The following CDH13 variants were observed in gnomAD, a reference collection of about 807,000 sequenced individuals.
CDH13 encodes cadherin 13.
Under a neutral mutation model 63.8 loss-of-function variants are expected in CDH13, and 24 were observed. The observed-to-expected ratio is 0.38, with a 90% CI of 0.27 to 0.53. The LOEUF (loss-of-function observed/expected upper bound fraction) is 0.53. CDH13 is among the 20% of genes least tolerant of loss of function. CDH13 has a pLI of 0.85. For missense variants in CDH13, 1,049 were observed against 903.1 expected, an observed-to-expected ratio of 1.16 and a Z score of -2.07; for synonymous variants, 503 against 355.3, an observed-to-expected ratio of 1.42 and a Z score of -4.67.
chr16:82,891,839 A>G (rs2041092494), intron 2 of CDH13, among the ~76,000 whole-genome samples: 1 of 152,222 alleles, frequency 6.6e-6, no homozygotes, highest in Admixed American at 6.5e-5. Context: ...GACAGTGTGG[A>G]CATTCATATA....
chr16:83,180,016 T>C (rs938857775), intron 4 of CDH13, among the ~76,000 whole-genome samples: 7 of 152,174 alleles, frequency 4.6e-5, no homozygotes, highest in African/African-American at 1.4e-4. Flanking sequence ...GTTTGTAGCT[T>C]TTAGAGTAGA....
chr16:83,344,887 A>T lies in CDH13; in HGVS notation c.662A>T (p.Asn221Ile), dbSNP rs374048975. The T allele has an allele frequency of 2.1e-5, 34 of 1,613,972 alleles. No homozygotes were observed. The highest frequency in any genetic ancestry group is 2.4e-5 in the Non-Finnish European group (28 of 1,179,826). Residue 221 changes from asparagine to isoleucine, a missense_variant, in exon 6 of 14, where the codon AAT becomes ATT. Physicochemically the swap from Asn to Ile is moderately radical, Grantham distance 149 (BLOSUM62 -3). Transcript: ENST00000567109. ...YQLFVETTDV[N>I]GKTLEGPVPL... is the part of the protein sequence containing the mutation. The stretch of plus-strand genomic sequence containing the variant: ...CTATTTGTGGAGACCACTGATGTCA[A>T]TGGCAAAACTCTCGAGGGGCCGGTG...
intron 3 of CDH13, among the ~76,000 whole-genome samples, chr16:83,036,847 CACACCCAT>C (rs755134276): frequency 1.3e-5 from 2 of 152,172 alleles, no homozygotes; most frequent in South Asian, 4.1e-4. Flanking sequence ...GATTAGCCTG[CACACCCAT>C]ACACCCCACA....
At chr16:83,238,294 G>A in intron 5 of CDH13, among the ~76,000 whole-genome samples, 1 of 152,138 alleles carries the variant, frequency 6.6e-6, no homozygotes, top group South Asian at 2.1e-4. Context: ...CATGGTGGAA[G>A]GAAGGAACAA....
At chr16:83,502,261 G>T (rs1177934184) in intron 7 of CDH13, among the ~76,000 whole-genome samples, 1 of 152,178 alleles carries the variant, frequency 6.6e-6, no homozygotes, top group Non-Finnish European at 1.5e-5. Context: ...TAATCACAGG[G>T]TCTTAATAAG....
At chr16:83,347,154 G>T (rs1232498150) in intron 6 of CDH13, among the ~76,000 whole-genome samples, 1 of 152,144 alleles carries the variant, frequency 6.6e-6, no homozygotes, top group African/African-American at 2.4e-5. Context: ...AGGCCAGTGG[G>T]AATCTGATGA....
chr16:83,765,002 C>G (rs1200010173), intron 11 of CDH13, among the ~76,000 whole-genome samples: 1 of 152,214 alleles, frequency 6.6e-6, no homozygotes, highest in Non-Finnish European at 1.5e-5. Flanking sequence ...AAGGTATTCT[C>G]ATTTCTAGCA....
intron 2 of CDH13, among the ~76,000 whole-genome samples, chr16:82,958,116 C>G (rs914891816): frequency 1.9e-4 from 29 of 152,170 alleles, no homozygotes; most frequent in African/African-American, 6.3e-4. Flanking sequence ...TGTGCCATAC[C>G]TAACCTAAAA....
rs79962898 is a variant in CDH13 at position 83,049,779 on chromosome 16, G to A, written c.366+17561G>A. Among the ~76,000 whole-genome samples the A allele has an allele frequency of 6.2e-3, 944 of 152,156 alleles. 9 individuals carry two copies. The highest frequency in any genetic ancestry group is 0.021 in the African/African-American group (888 of 41,498). The stretch of plus-strand genomic sequence containing the variant: ...TGTTGATGGCCATTTGGGCTTTTTT[G>A]ACTGTTATGAACAACACTGCTACCA... On this transcript the variant is annotated intron_variant, in intron 3 of 13. Coordinates refer to ENST00000567109, the MANE Select transcript of CDH13 (RefSeq NM_001257.5).
At chr16:83,113,794 A>G (rs1280902106) in intron 3 of CDH13, among the ~76,000 whole-genome samples, 3 of 152,170 alleles carry the variant, frequency 2.0e-5, no homozygotes, top group Admixed American at 6.5e-5. Flanking sequence ...AAGCACCTGC[A>G]ATTGGAGGGT....
intron 4 of CDH13, among the ~76,000 whole-genome samples, chr16:83,139,670 T>C (rs2036446477): frequency 6.6e-6 from 1 of 152,182 alleles, no homozygotes; most frequent in African/African-American, 2.4e-5. Context: ...GTGTTTATTG[T>C]AGAAATTTTA....
chr16:83,468,975 C>G (rs2073388546), intron 6 of CDH13, among the ~76,000 whole-genome samples: 1 of 152,176 alleles, frequency 6.6e-6, no homozygotes. Context: ...CCCACCATTG[C>G]TAAAGCGAGT....
At chr16:82,984,287 T>G (rs77656544) in intron 2 of CDH13, among the ~76,000 whole-genome samples, 2,223 of 152,320 alleles carry the variant, frequency 0.015, 65 homozygotes, top group African/African-American at 0.051. Flanking sequence ...ACCCCAGACT[T>G]GAAGTATCAT....
intron 10 of CDH13, among the ~76,000 whole-genome samples, chr16:83,678,951 G>GA (rs1208417163): frequency 1.3e-5 from 2 of 152,180 alleles, no homozygotes; most frequent in Non-Finnish European, 2.9e-5. Flanking sequence ...ATGGAAACAG[G>GA]ACACTCTGCA....
intron 1 of CDH13, among the ~76,000 whole-genome samples, chr16:82,758,173 G>T (rs2034692691): frequency 6.6e-6 from 1 of 152,008 alleles, no homozygotes; most frequent in Admixed American, 6.6e-5. Context: ...ATTGAGGAAT[G>T]GGCAATACTC....
At chr16:83,283,079 G>A (rs541155649) in intron 5 of CDH13, among the ~76,000 whole-genome samples, 2 of 152,136 alleles carry the variant, frequency 1.3e-5, no homozygotes, top group Non-Finnish European at 2.9e-5. Context: ...TAATGATGGG[G>A]CTGCTCAATA....
chr16:83,060,215 G>A (rs2031401581), intron 3 of CDH13, among the ~76,000 whole-genome samples: 1 of 152,050 alleles, frequency 6.6e-6, no homozygotes, highest in South Asian at 2.1e-4. Context: ...ATATAAGATG[G>A]ATATAAAGCA....
At position 82,963,425 on chromosome 16, in the gene CDH13, C is replaced by T. The variant is rs533920328; in HGVS notation, c.158-68585C>T. Among the ~76,000 whole-genome samples the T allele has an allele frequency of 5.3e-5, 8 of 152,100 alleles. No individual in the cohort carries two copies. The South Asian group carries it at 6.2e-4, about 12-fold the overall frequency. On this transcript the variant is annotated intron_variant, in intron 2 of 13. Transcript: ENST00000567109. ...CTGGAAAGAAAGTACCAGCAAGGAACGTCCTTTCTCAATACCTCTTACATG... is the reference window on the plus strand; with the variant it reads ...CTGGAAAGAAAGTACCAGCAAGGAATGTCCTTTCTCAATACCTCTTACATG...
chr16:83,170,600 C>T (rs1236191419), intron 4 of CDH13, among the ~76,000 whole-genome samples: 3 of 152,240 alleles, frequency 2.0e-5, no homozygotes, highest in East Asian at 1.9e-4. Context: ...GAACACAATT[C>T]TTCAAAGATA....
Sources: allele counts gnomAD v4.1 joint callset (sites outside exome capture counted in the v4.1 genomes callset), GRCh38; gene constraint gnomAD v4.1.1; transcripts MANE v1.5; gene names NCBI Gene and HGNC (gene_info 2026-07-23, HGNC 2026-07-21).